Variants in IPPK observed in about 807,000 individuals in gnomAD.
IPPK encodes IPK1 homolog.
IPPK carries 22 observed loss-of-function variants against 64.6 expected under a neutral mutation model. The ratio of observed to expected loss-of-function variants is 0.34; its 90% CI spans 0.24 to 0.49. The LOEUF (loss-of-function observed/expected upper bound fraction) is 0.49, where lower values mean the gene tolerates loss of function less well. Among genes scored for constraint, IPPK ranks in the 20% least tolerant of loss-of-function variants. The pLI is 0.99. For synonymous variants in IPPK, 262 were observed against 247.2 expected (o/e 1.06, Z -0.56); for missense variants, 532 against 630.7 (o/e 0.84, Z 1.68).
At chr9:92,639,307 C>A (rs958257691) in intron 8 of IPPK, among the ~76,000 whole-genome samples, 1 of 152,184 alleles carries the variant, frequency 6.6e-6, no homozygotes, top group Non-Finnish European at 1.5e-5. Flanking sequence ...CCTCAGCCTC[C>A]CAAAGTGCTG....
In IPPK at chr9:92,635,048, G is replaced by A. The variant is rs1851913302; in HGVS notation, c.1067+110C>T. On this transcript the variant is annotated intron_variant, in intron 10 of 12. Transcript: ENST00000287996. This position sits in a 1 kb window ranked among gnomAD's most constrained non-coding sequence, Gnocchi z 4.4. ...CGGAGGACTGGGGTAGGAAGTGGCC[G>A]GCATGCTTCATCCTCCTGGGAAGCT... The A allele has an allele frequency of 2.7e-6, 3 of 1,091,904 alleles. No individual in the cohort carries two copies. Among genetic ancestry groups the A allele is most frequent in the East Asian group, 2.5e-5 (1 of 40,044 alleles). 67.6% of individuals were successfully genotyped at this position (1,091,904 alleles called of 1,614,324 possible). A position where few individuals can be genotyped will look rare whatever the true frequency, so the allele number is the denominator to read the frequency against.
chr9:92,667,423 C>T (rs1299979094), intron 1 of IPPK, among the ~76,000 whole-genome samples: 1 of 152,214 alleles, frequency 6.6e-6, no homozygotes. Flanking sequence ...GGTCCACAGC[C>T]TGAGCAAACA....
chr9:92,663,623 A>G (rs989618240), intron 1 of IPPK, among the ~76,000 whole-genome samples: 3 of 152,092 alleles, frequency 2.0e-5, no homozygotes, highest in Non-Finnish European at 4.4e-5. Context: ...GGCCACAAAA[A>G]CCCCAATACA....
chr9:92,655,710 C>A (rs554355242), intron 3 of IPPK, among the ~76,000 whole-genome samples: 2 of 152,186 alleles, frequency 1.3e-5, no homozygotes, highest in African/African-American at 4.8e-5. Context: ...AAACTTGTCA[C>A]GGCACAGAGC....
At chr9:92,626,803 A>G (rs1323991311) in intron 11 of IPPK, among the ~76,000 whole-genome samples, 1 of 152,140 alleles carries the variant, frequency 6.6e-6, no homozygotes. Context: ...GGTAGAGAAG[A>G]CCTTAAAAGC....
In IPPK at chr9:92,614,322, C is replaced by T. The variant is rs1015596855; in HGVS notation, c.*1510G>A. On this transcript the variant is annotated 3_prime_UTR_variant, in exon 13 of 13. Coordinates refer to ENST00000287996, the MANE Select transcript of IPPK (RefSeq NM_022755.6). ...AACAGTGAACTCCCTTGGGTCAAGA[C>T]AGTACTCAACGGCCACTACCTCCAC... is the stretch of plus-strand genomic sequence containing the variant. 6.6e-6 allele frequency: 1 copy of T among 152,460 alleles called. No homozygotes were observed. The allele number at this position is 152,460 out of a possible 1,614,324, so 9.4% of individuals were successfully genotyped here.
At chr9:92,650,388 C>A (rs1347902814) in intron 4 of IPPK, among the ~76,000 whole-genome samples, 1 of 152,088 alleles carries the variant, frequency 6.6e-6, no homozygotes, top group Non-Finnish European at 1.5e-5. Flanking sequence ...TAGCTTCACG[C>A]CTTATGGTAT....
chr9:92,633,276 G>A (rs1851878481), intron 11 of IPPK, among the ~76,000 whole-genome samples: 1 of 151,826 alleles, frequency 6.6e-6, no homozygotes, highest in South Asian at 2.1e-4. Flanking sequence ...CTCCCAAAGT[G>A]CTGGGTTTAC....
At chr9:92,658,761 C>G in intron 1 of IPPK, 80 bp from the exon 2 acceptor site, 1 of 1,261,470 alleles carries the variant, frequency 7.9e-7, no homozygotes, top group South Asian at 1.2e-5. Flanking sequence ...GGGGTCCCAT[C>G]CTCAGTGGAC....
At chr9:92,618,555 C>T (rs1390489581) in intron 12 of IPPK, 5 of 456,558 alleles carry the variant, frequency 1.1e-5, no homozygotes, top group African/African-American at 6.0e-5. Flanking sequence ...GTGGTATCTT[C>T]GTGGGTTTTC....
intron 11 of IPPK, among the ~76,000 whole-genome samples, chr9:92,624,944 C>T (rs1388041347): frequency 6.6e-6 from 1 of 151,478 alleles, no homozygotes; most frequent in Non-Finnish European, 1.5e-5. Flanking sequence ...ATATATACAG[C>T]ATGATCTCGT....
chr9:92,631,647 C>A (rs990025315), intron 11 of IPPK, among the ~76,000 whole-genome samples: 1 of 152,230 alleles, frequency 6.6e-6, no homozygotes, highest in African/African-American at 2.4e-5. Flanking sequence ...TATGACAGCA[C>A]GGAAAGACCT....
intron 11 of IPPK, among the ~76,000 whole-genome samples, chr9:92,627,253 A>G (rs1182362977): frequency 6.6e-6 from 1 of 152,200 alleles, no homozygotes; most frequent in East Asian, 1.9e-4. Context: ...GCCCACTCAG[A>G]TGGCTTCACT....
chr9:92,668,443 A>T (rs530356958), intron 1 of IPPK, among the ~76,000 whole-genome samples: 1 of 152,332 alleles, frequency 6.6e-6, no homozygotes, highest in Admixed American at 6.5e-5. Context: ...TGCTCTTTCA[A>T]CATGGGTGTC....
intron 3 of IPPK, among the ~76,000 whole-genome samples, chr9:92,654,136 A>C (rs1330189824): frequency 6.6e-6 from 1 of 152,100 alleles, no homozygotes; most frequent in Non-Finnish European, 1.5e-5. Flanking sequence ...ACTCACAGTC[A>C]CCCAGGTGAA....
At chr9:92,646,171 C>T (rs1420352421) in intron 6 of IPPK, among the ~76,000 whole-genome samples, 1 of 152,128 alleles carries the variant, frequency 6.6e-6, no homozygotes, top group East Asian at 1.9e-4. Context: ...TTGGTATTAA[C>T]CTGAACTAGA....
Position 92,635,965 on chromosome 9 carries a change from C to A in IPPK, c.917-657G>T, listed in dbSNP as rs1851935198. On this transcript the variant is annotated intron_variant, in intron 9 of 12. Coordinates refer to ENST00000287996, the MANE Select transcript of IPPK (RefSeq NM_022755.6). The surrounding 1 kb of genome is among the most constrained non-coding windows in gnomAD (Gnocchi z 4.4). ...GAGCTCAGAACCAGCCACACAGAGC[C>A]ACAGACAGGGGTCAAAGCCACTGAC... Among the ~76,000 whole-genome samples the A allele has an allele frequency of 6.6e-6, 1 of 152,110 alleles. No homozygotes were observed. Among genetic ancestry groups the A allele is most frequent in the South Asian group, 2.1e-4 (1 of 4,816 alleles).
intron 6 of IPPK, among the ~76,000 whole-genome samples, chr9:92,646,190 GTTA>G (rs2131446391): frequency 6.6e-6 from 1 of 152,278 alleles, no homozygotes; most frequent in East Asian, 1.9e-4. Context: ...GACTGTTCAG[GTTA>G]TTATCTTAAA....
intron 1 of IPPK, among the ~76,000 whole-genome samples, chr9:92,660,328 C>T (rs901348579): frequency 2.6e-5 from 4 of 152,188 alleles, no homozygotes; most frequent in Non-Finnish European, 4.4e-5. Context: ...TAAGAAAATA[C>T]ATTACATGAA....
Sources: gnomAD v4.1 joint callset for allele counts (sites outside exome capture counted in the v4.1 genomes callset) on GRCh38, gnomAD v4.1.1 for gene constraint, Gnocchi (gnomAD v3.1) non-coding constraint, MANE v1.5 for transcripts, NCBI Gene and HGNC (gene_info 2026-07-23, HGNC 2026-07-21) for gene names.